The following SUSD6 variants were observed in gnomAD, a reference collection of about 807,000 sequenced individuals.
The protein encoded by SUSD6 is sushi domain containing 6.
In SUSD6, 16 loss-of-function variants were observed where a neutral mutation model predicts 28.4. The observed-to-expected ratio is 0.56, with a 90% CI of 0.38 to 0.86. The LOEUF (loss-of-function observed/expected upper bound fraction) is 0.86, where lower values mean the gene tolerates loss of function less well. Among genes scored for constraint, SUSD6 ranks in the 40% least tolerant of loss-of-function variants. The probability of loss-of-function intolerance (pLI) is 0.00; values close to 1 mark genes in which losing one functional copy is unlikely to be tolerated. For missense variants in SUSD6, 341 were observed against 384.2 expected (o/e 0.89, Z 0.94); for synonymous variants, 147 against 159.6 (o/e 0.92, Z 0.59).
In SUSD6 at chr14:69,697,290, T is replaced by C. The variant is rs1886240232; in HGVS notation, c.122-6105T>C. On this transcript the variant is annotated intron_variant, in intron 2 of 5. Coordinates refer to ENST00000342745, the MANE Select transcript of SUSD6 (RefSeq NM_014734.4). ...CTCTGCCCAACCTGTTTTATTGGTG[T>C]GGTCTTTTGTGACATGTATCTTGTG... 2.0e-5 allele frequency among the ~76,000 whole-genome samples: 3 copies of C among 152,324 alleles called. No homozygotes were observed. The South Asian group carries it at 6.2e-4, about 32-fold the overall frequency.
intron 2 of SUSD6, among the ~76,000 whole-genome samples, chr14:69,696,073 G>A (rs1886220608): frequency 6.6e-6 from 1 of 152,232 alleles, no homozygotes; most frequent in South Asian, 2.1e-4. Context: ...CATAGGCTGA[G>A]CACATCAAAT....
rs113689713 is a variant in SUSD6 at position 69,665,313 on chromosome 14, T to C, written c.121+6600T>C. 1.8e-3 allele frequency among the ~76,000 whole-genome samples: 276 copies of C among 152,284 alleles called. 2 individuals carry two copies. The highest frequency in any genetic ancestry group is 6.4e-3 in the African/African-American group (266 of 41,554). On this transcript the variant is annotated intron_variant, in intron 2 of 5. Coordinates refer to ENST00000342745, the MANE Select transcript of SUSD6 (RefSeq NM_014734.4). ...TGGAGTGCAGTGGCTCTGTCACAGC[T>C]CACCGCAACTTCTGCCTCCTGGGTT...
intron 1 of SUSD6, among the ~76,000 whole-genome samples, chr14:69,642,764 CT>C (rs1712209323): frequency 1.3e-5 from 2 of 151,842 alleles, no homozygotes; most frequent in Non-Finnish European, 2.9e-5. Context: ...CTATTTCTGA[CT>C]CTGAGTGAGT....
At chr14:69,699,994 G>T (rs965754817) in intron 2 of SUSD6, among the ~76,000 whole-genome samples, 1 of 152,222 alleles carries the variant, frequency 6.6e-6, no homozygotes, top group African/African-American at 2.4e-5. Flanking sequence ...TTATTATGCA[G>T]ATGGGTTCTC....
intron 2 of SUSD6, among the ~76,000 whole-genome samples, chr14:69,694,098 A>C (rs942955127): frequency 1.3e-5 from 2 of 152,242 alleles, no homozygotes; most frequent in African/African-American, 4.8e-5. Context: ...AGGGATACAA[A>C]AATGAGCAGA....
intron 1 of SUSD6, among the ~76,000 whole-genome samples, chr14:69,629,319 C>T (rs954149693): frequency 6.6e-6 from 1 of 152,110 alleles, no homozygotes; most frequent in Non-Finnish European, 1.5e-5. Flanking sequence ...CAGATAACCT[C>T]TGTATTTAGG....
rs75392600 is a variant in SUSD6 at position 69,698,507 on chromosome 14, C to T, written c.122-4888C>T. Among the ~76,000 whole-genome samples the T allele has an allele frequency of 1.6e-3, 249 of 152,236 alleles. 1 individual carries two copies. The highest frequency in any genetic ancestry group is 5.6e-3 in the African/African-American group (233 of 41,522). On this transcript the variant is annotated intron_variant, in intron 2 of 5. Transcript: ENST00000342745. ...TGTTTGTTAAATTGAATGCTTTGAC[C>T]CCTGGGGCCTTTCCTGGAGCTTATT...
intron 2 of SUSD6, among the ~76,000 whole-genome samples, chr14:69,660,890 T>C (rs1885652297): frequency 6.6e-6 from 1 of 152,250 alleles, no homozygotes; most frequent in Admixed American, 6.5e-5. Flanking sequence ...ACAAAGACCA[T>C]GTGGCCTGAA....
chr14:69,616,259 C>A (rs1389095119), intron 1 of SUSD6, among the ~76,000 whole-genome samples: 1 of 152,198 alleles, frequency 6.6e-6, no homozygotes, highest in Non-Finnish European at 1.5e-5. Context: ...TCTCAGCCTC[C>A]CCTTTCTTGC....
chr14:69,668,319 G>A (rs1885775946), intron 2 of SUSD6, among the ~76,000 whole-genome samples: 1 of 152,262 alleles, frequency 6.6e-6, no homozygotes, highest in Admixed American at 6.5e-5. Flanking sequence ...CCTGTTAGGT[G>A]ATGAAGAGTT....
intron 2 of SUSD6, among the ~76,000 whole-genome samples, chr14:69,702,685 A>G (rs756638383): frequency 2.0e-5 from 3 of 152,242 alleles, no homozygotes; most frequent in Non-Finnish European, 2.9e-5. Context: ...AAGCTTGGCT[A>G]AAAGTCACTT....
intron 1 of SUSD6, among the ~76,000 whole-genome samples, chr14:69,621,241 G>A (rs1039751882): frequency 6.6e-6 from 1 of 152,202 alleles, no homozygotes; most frequent in African/African-American, 2.4e-5. Flanking sequence ...GGAGGGCAGG[G>A]TGACTTTGAG....
At chr14:69,661,745 G>A (rs770482799) in intron 2 of SUSD6, among the ~76,000 whole-genome samples, 9 of 152,190 alleles carry the variant, frequency 5.9e-5, no homozygotes, top group Non-Finnish European at 8.8e-5. Flanking sequence ...CTCTGAAGCC[G>A]AGGAAAGGCA....
intron 1 of SUSD6, among the ~76,000 whole-genome samples, chr14:69,645,667 C>T (rs1885415407): frequency 1.3e-5 from 2 of 152,088 alleles, no homozygotes; most frequent in African/African-American, 4.8e-5. Context: ...ACACAAACCC[C>T]CTCTAGTTAT....
chr14:69,689,921 C>T (rs1886129976), intron 2 of SUSD6, among the ~76,000 whole-genome samples: 1 of 152,264 alleles, frequency 6.6e-6, no homozygotes, highest in Admixed American at 6.5e-5. Flanking sequence ...CTGTCTTGGT[C>T]TCCCAAAGTG....
chr14:69,690,788 A>C (rs1259262497), intron 2 of SUSD6, among the ~76,000 whole-genome samples: 1 of 152,214 alleles, frequency 6.6e-6, no homozygotes, highest in African/African-American at 2.4e-5. Context: ...TATCCAGGTC[A>C]ATGGACTTGG....
intron 2 of SUSD6, among the ~76,000 whole-genome samples, chr14:69,682,648 A>G (rs530024901): frequency 6.6e-6 from 1 of 152,360 alleles, no homozygotes; most frequent in African/African-American, 2.4e-5. Context: ...ATCTATAATA[A>G]GATTACATTT....
intron 1 of SUSD6, among the ~76,000 whole-genome samples, chr14:69,643,471 C>T (rs1270284914): frequency 6.6e-6 from 1 of 152,230 alleles, no homozygotes; most frequent in Non-Finnish European, 1.5e-5. Context: ...AATGCTGCAC[C>T]TTCTAGCAGA....
intron 1 of SUSD6, among the ~76,000 whole-genome samples, chr14:69,644,957 G>T (rs1463313850): frequency 6.6e-6 from 1 of 152,134 alleles, no homozygotes; most frequent in South Asian, 2.1e-4. Context: ...AGGGGCATGG[G>T]GCTAATCAAA....
Sources: allele counts gnomAD v4.1 joint callset (sites outside exome capture counted in the v4.1 genomes callset), GRCh38; gene constraint gnomAD v4.1.1; transcripts MANE v1.5; gene names NCBI Gene and HGNC (gene_info 2026-07-23, HGNC 2026-07-21).